Variants in STS observed in about 807,000 individuals in gnomAD.
STS encodes the protein steryl-sulfatase.
Under a neutral mutation model 26.8 loss-of-function variants are expected in STS, and 7 were observed. The ratio of observed to expected loss-of-function variants is 0.26; its 90% CI spans 0.15 to 0.49. The LOEUF (loss-of-function observed/expected upper bound fraction) is 0.49, where lower values mean the gene tolerates loss of function less well. STS is among the 20% of genes least tolerant of loss of function. The probability of loss-of-function intolerance (pLI) is 0.98; values close to 1 mark genes in which losing one functional copy is unlikely to be tolerated. For missense variants in STS, 434 were observed against 465.6 expected, an observed-to-expected ratio of 0.93 and a Z score of 0.63; for synonymous variants, 199 against 189.4, an observed-to-expected ratio of 1.05 and a Z score of -0.42.
chrX:7,148,256 G>T, intron 1 of STS, 173 bp downstream of exon 1: 1 of 321,030 alleles, frequency 3.1e-6, no homozygotes, highest in Admixed American at 6.4e-5. Context: ...CCGGCTCCGA[G>T]CCCGCGCGTC....
intron 2 of STS, among the ~76,000 whole-genome samples, chrX:7,198,870 A>C: frequency 8.9e-6 from 1 of 111,798 alleles, no homozygotes; most frequent in Non-Finnish European, 1.9e-5. Flanking sequence ...CAGTGAACCT[A>C]CCCAAGATTC....
intron 2 of STS, among the ~76,000 whole-genome samples, chrX:7,224,339 C>T (rs1395716195): frequency 9.0e-6 from 1 of 111,607 alleles, no homozygotes; most frequent in African/African-American, 3.3e-5. Flanking sequence ...AATTTTATGG[C>T]TGTCATTAGA....
chrX:7,333,101 G>T (rs973661749), intron 9 of STS, among the ~76,000 whole-genome samples: 18 of 111,935 alleles, frequency 1.6e-4, no homozygotes, highest in African/African-American at 5.5e-4. Context: ...GTTTCTAAAC[G>T]CCTTGTAACA....
At chrX:7,334,316 AG>A (rs1927909338) in intron 10 of STS, among the ~76,000 whole-genome samples, 1 of 111,055 alleles carries the variant, frequency 9.0e-6, no homozygotes, top group Non-Finnish European at 1.9e-5. Flanking sequence ...GGACATCAGA[AG>A]GCCATGTCAT....
At chrX:7,299,068 T>C (rs1443777529) in intron 7 of STS, among the ~76,000 whole-genome samples, 23 of 94,334 alleles carry the variant, frequency 2.4e-4, no homozygotes, top group African/African-American at 8.6e-4. Context: ...TATTTATTTA[T>C]ATATAAATTA....
chrX:7,259,228 G>A lies in STS; in HGVS notation c.383-121G>A, dbSNP rs759952568. 4.7e-5 allele frequency: 35 copies of A among 752,596 alleles called. No individual in the cohort carries two copies. In the African/African-American group the frequency reaches 5.0e-4, roughly 11 times the overall value. 62.0% of individuals were successfully genotyped at this position (752,596 alleles called of 1,213,427 possible). A position where few individuals can be genotyped will look rare whatever the true frequency, so the allele number is the denominator to read the frequency against. Reference sequence around the variant, plus strand: ...TGAAAAATTCTAGGGTCCTATGAGCGGGAAGGCTAGCTTCATGAAATAGTC... The same window carrying A: ...TGAAAAATTCTAGGGTCCTATGAGCAGGAAGGCTAGCTTCATGAAATAGTC... On this transcript the variant is annotated intron_variant, in intron 5 of 10. Coordinates refer to ENST00000674429, the MANE Select transcript of STS (RefSeq NM_001320752.2).
At chrX:7,348,657 A>G (rs768035363) in intron 10 of STS, among the ~76,000 whole-genome samples, 1 of 112,170 alleles carries the variant, frequency 8.9e-6, no homozygotes, top group South Asian at 3.7e-4. Context: ...TTTGTTTGTG[A>G]ATTAGTTTTT....
At chrX:7,221,376 C>T (rs758644568) in intron 2 of STS, among the ~76,000 whole-genome samples, 9 of 112,589 alleles carry the variant, frequency 8.0e-5, no homozygotes, top group African/African-American at 2.9e-4. Flanking sequence ...CTGTATAGCA[C>T]AGGCTCAGTA....
intron 2 of STS, among the ~76,000 whole-genome samples, chrX:7,239,954 G>A (rs182776728): frequency 2.9e-5 from 3 of 104,402 alleles, no homozygotes; most frequent in South Asian, 4.6e-4. Flanking sequence ...TCTCGATCTC[G>A]GCTCACTGCA....
intron 10 of STS, among the ~76,000 whole-genome samples, chrX:7,349,371 TGTCGCCCAGGCTGGAGTGCA>T (rs1928683155): frequency 1.4e-5 from 1 of 73,349 alleles, no homozygotes; most frequent in Non-Finnish European, 2.4e-5. Context: ...AGTCTCATTC[TGTCGCCCAGGCTGGAGTGCA>T]GTGGCACAAT....
At chrX:7,279,357 G>T in intron 7 of STS, among the ~76,000 whole-genome samples, 1 of 75,058 alleles carries the variant, frequency 1.3e-5, no homozygotes, top group South Asian at 6.8e-4. Context: ...GTGTGTGTGT[G>T]TATATGTGTG....
intron 2 of STS, among the ~76,000 whole-genome samples, chrX:7,233,014 C>T (rs1218992757): frequency 9.0e-6 from 1 of 111,322 alleles, no homozygotes; most frequent in East Asian, 2.8e-4. Context: ...CCTGAGACCT[C>T]CCCAGCCATG....
intron 8 of STS, among the ~76,000 whole-genome samples, chrX:7,315,557 G>A (rs1310873334): frequency 2.7e-5 from 3 of 111,544 alleles, no homozygotes; most frequent in Admixed American, 9.5e-5. Context: ...AAGCTGAGGA[G>A]CCAGAAAGCC....
At chrX:7,206,244 G>T (rs141448825) in intron 2 of STS, among the ~76,000 whole-genome samples, 31 of 112,152 alleles carry the variant, frequency 2.8e-4, no homozygotes, top group African/African-American at 9.7e-4. Context: ...ATTAGCTGAA[G>T]ATTGGGACCT....
At chrX:7,306,269 A>T (rs748202678) in intron 8 of STS, among the ~76,000 whole-genome samples, 5 of 111,245 alleles carry the variant, frequency 4.5e-5, no homozygotes, top group African/African-American at 1.6e-4. Context: ...CATGACACAC[A>T]ACGTGGCCCA....
chrX:7,152,477 C>T (rs1351094228), intron 1 of STS, among the ~76,000 whole-genome samples: 1 of 111,320 alleles, frequency 9.0e-6, no homozygotes, highest in African/African-American at 3.3e-5. Flanking sequence ...ACCACCATGC[C>T]TAGCTAACTT....
chrX:7,182,285 G>T (rs1359254399), intron 1 of STS, among the ~76,000 whole-genome samples: 2 of 110,620 alleles, frequency 1.8e-5, no homozygotes, highest in African/African-American at 6.6e-5. Flanking sequence ...ATGCTGTAGG[G>T]GTGGGCTCAG....
At chrX:7,252,306 C>G (rs1923176350) in intron 2 of STS, 2 of 750,267 alleles carry the variant, frequency 2.7e-6, no homozygotes, top group African/African-American at 2.3e-5. Flanking sequence ...TTGCCTACCA[C>G]TGCTGGTGGG....
intron 2 of STS, among the ~76,000 whole-genome samples, chrX:7,226,096 A>C (rs1921792262): frequency 8.9e-6 from 1 of 112,428 alleles, no homozygotes; most frequent in African/African-American, 3.2e-5. Context: ...TGTCCCAAAC[A>C]AAATATATAG....
Sources: allele counts gnomAD v4.1 joint callset (sites outside exome capture counted in the v4.1 genomes callset), GRCh38; gene constraint gnomAD v4.1.1; transcripts MANE v1.5; gene names NCBI Gene and HGNC (gene_info 2026-07-23, HGNC 2026-07-21).